Variants in CDH13 observed in about 807,000 individuals in gnomAD.
CDH13 encodes cadherin 13.
In CDH13, 24 loss-of-function variants were observed where a neutral mutation model predicts 63.8. The observed-to-expected ratio is 0.38, with a 90% CI of 0.27 to 0.53. CDH13 has a LOEUF of 0.53. Among genes scored for constraint, CDH13 ranks in the 20% least tolerant of loss-of-function variants. CDH13 has a pLI of 0.85. For missense variants in CDH13, 1,049 were observed against 903.1 expected, an observed-to-expected ratio of 1.16 and a Z score of -2.07; for synonymous variants, 503 against 355.3, an observed-to-expected ratio of 1.42 and a Z score of -4.67.
At chr16:82,659,767 C>T (rs1170437201) in intron 1 of CDH13, among the ~76,000 whole-genome samples, 1 of 152,120 alleles carries the variant, frequency 6.6e-6, no homozygotes, top group Non-Finnish European at 1.5e-5. Flanking sequence ...AGGGTTTCTC[C>T]ACCATGGCAT....
intron 6 of CDH13, among the ~76,000 whole-genome samples, chr16:83,412,571 A>G (rs1343610947): frequency 6.6e-6 from 1 of 152,248 alleles, no homozygotes; most frequent in Non-Finnish European, 1.5e-5. Flanking sequence ...CCACCTCGAA[A>G]TGGGAGGTGG....
chr16:83,601,576 C>A (rs1907799729), intron 7 of CDH13, among the ~76,000 whole-genome samples: 2 of 152,134 alleles, frequency 1.3e-5, no homozygotes, highest in East Asian at 1.9e-4. Flanking sequence ...GTTTCTTCCC[C>A]ATCTGTAAAA....
intron 3 of CDH13, among the ~76,000 whole-genome samples, chr16:83,080,878 T>G (rs1345506449): frequency 3.7e-5 from 4 of 108,866 alleles, no homozygotes; most frequent in Non-Finnish European, 5.5e-5. Context: ...TGTGTTTTTT[T>G]TTTTTTTTTT....
chr16:82,842,114 A>G (rs868858728), intron 1 of CDH13, among the ~76,000 whole-genome samples: 26 of 38,236 alleles, frequency 6.8e-4, no homozygotes, highest in African/African-American at 2.3e-3. Context: ...ATATATATGT[A>G]TATATATATA....
intron 10 of CDH13, among the ~76,000 whole-genome samples, chr16:83,732,666 C>G (rs1424440801): frequency 2.0e-5 from 3 of 152,188 alleles, no homozygotes; most frequent in African/African-American, 7.2e-5. Flanking sequence ...GTAGAAACAG[C>G]TGGCATCCTC....
chr16:82,786,883 T>G (rs1239308816), intron 1 of CDH13, among the ~76,000 whole-genome samples: 1 of 152,112 alleles, frequency 6.6e-6, no homozygotes, highest in African/African-American at 2.4e-5. Flanking sequence ...ATGTGCCACA[T>G]AGAAAACAGT....
At chr16:83,184,360 C>T (rs745457109) in intron 4 of CDH13, among the ~76,000 whole-genome samples, 60 of 152,184 alleles carry the variant, frequency 3.9e-4, no homozygotes, top group African/African-American at 1.1e-3. Context: ...TTGTCCTCCC[C>T]GTATCATTCC....
intron 2 of CDH13, among the ~76,000 whole-genome samples, chr16:82,991,806 A>G (rs1911688905): frequency 2.6e-5 from 4 of 151,974 alleles, no homozygotes; most frequent in Non-Finnish European, 5.9e-5. Flanking sequence ...CTTAGCCTTG[A>G]ACATAGTTGA....
chr16:83,710,059 A>G (rs1340791871), intron 10 of CDH13: 4 of 152,262 alleles, frequency 2.6e-5, no homozygotes, highest in Non-Finnish European at 5.9e-5. Context: ...AGTGTCTAGA[A>G]CATTTCAGGG....
chr16:82,630,332 A>G (rs1056877446), intron 1 of CDH13, among the ~76,000 whole-genome samples: 1 of 151,440 alleles, frequency 6.6e-6, no homozygotes, highest in African/African-American at 2.4e-5. Flanking sequence ...CTGTCTGAAT[A>G]TTTTTTTTTA....
chr16:83,720,831 C>G (rs1235927606), intron 10 of CDH13, among the ~76,000 whole-genome samples: 1 of 152,202 alleles, frequency 6.6e-6, no homozygotes, highest in African/African-American at 2.4e-5. Flanking sequence ...GTGACTGCCT[C>G]TTCTTTCAAG....
intron 2 of CDH13, among the ~76,000 whole-genome samples, chr16:82,965,691 C>T (rs560094180): frequency 1.3e-3 from 193 of 152,276 alleles, no homozygotes; most frequent in Non-Finnish European, 2.1e-3. Context: ...CGGGGTTTCA[C>T]CGTGTTGGCC....
chr16:82,791,116 A>C (rs2036276046), intron 1 of CDH13, among the ~76,000 whole-genome samples: 1 of 152,232 alleles, frequency 6.6e-6, no homozygotes, highest in East Asian at 1.9e-4. Context: ...AGGTGCCTGC[A>C]GTTCCAGCTA....
chr16:83,063,643 GT>G (rs1170882196), intron 3 of CDH13, among the ~76,000 whole-genome samples: 1 of 152,178 alleles, frequency 6.6e-6, no homozygotes, highest in Non-Finnish European at 1.5e-5. Flanking sequence ...ATCTCTACTA[GT>G]TTCCTGTTAA....
chr16:83,190,574 G>T (rs780725571), intron 4 of CDH13, among the ~76,000 whole-genome samples: 2 of 152,112 alleles, frequency 1.3e-5, no homozygotes, highest in African/African-American at 2.4e-5. Flanking sequence ...CATTGACTCT[G>T]CCCTCACAAA....
chr16:83,394,871 G>A (rs938398103), intron 6 of CDH13, among the ~76,000 whole-genome samples: 1 of 152,118 alleles, frequency 6.6e-6, no homozygotes, highest in African/African-American at 2.4e-5. Context: ...GGAAGGGCCA[G>A]GCACAGTGGC....
At chr16:83,460,995 G>GCAAACACACACACACACGCACA (rs2073164601) in intron 6 of CDH13, among the ~76,000 whole-genome samples, 1 of 147,808 alleles carries the variant, frequency 6.8e-6, no homozygotes, top group Non-Finnish European at 1.5e-5. Context: ...ACACACACAC[G>GCAAACACACACACACACGCACA]CACACACACA....
At chr16:82,951,931 T>A (rs1567688414) in intron 2 of CDH13, among the ~76,000 whole-genome samples, 1 of 152,184 alleles carries the variant, frequency 6.6e-6, no homozygotes, top group Non-Finnish European at 1.5e-5. Context: ...TGTGTGTTTG[T>A]CATTTTTCTT....
intron 3 of CDH13, among the ~76,000 whole-genome samples, chr16:83,039,216 T>G (rs1917127924): frequency 6.6e-6 from 1 of 152,210 alleles, no homozygotes; most frequent in African/African-American, 2.4e-5. Flanking sequence ...ATCACTTCGC[T>G]CCTCTGCTTA....
Sources: allele counts gnomAD v4.1 joint callset (sites outside exome capture counted in the v4.1 genomes callset), GRCh38; gene constraint gnomAD v4.1.1; transcripts MANE v1.5; gene names NCBI Gene and HGNC (gene_info 2026-07-23, HGNC 2026-07-21).